Variants in MAST4 observed in about 807,000 individuals in gnomAD.
The protein encoded by MAST4 is microtubule associated serine/threonine kinase family member 4.
Under a neutral mutation model 162.7 loss-of-function variants are expected in MAST4, and 89 were observed. That is an observed-to-expected ratio of 0.55 (90% CI 0.46 to 0.65). The LOEUF is 0.65. Ranked by LOEUF, MAST4 falls within the 30% of genes least tolerant of loss-of-function variation. The probability of loss-of-function intolerance (pLI) is 0.00; values close to 1 mark genes in which losing one functional copy is unlikely to be tolerated. For missense variants in MAST4, 3,153 were observed against 3,374.0 expected (o/e 0.93, Z 1.62); for synonymous variants, 1,479 against 1,361.1 (o/e 1.09, Z -1.91).
chr5:67,142,098 T>C lies in MAST4; in HGVS notation c.2495-17T>C. ...AGTTTAACACTTTCCTCTCTGTCTC[T>C]ACCTGCCCCCTTCCAGGTGGTGCAT... On this transcript the variant is annotated splice_polypyrimidine_tract_variant and intron_variant, in intron 19 of 28. Transcript: ENST00000403625. The C allele has an allele frequency of 6.2e-7, 1 of 1,612,844 alleles. No individual in the cohort carries two copies. Among genetic ancestry groups the C allele is most frequent in the Non-Finnish European group, 8.5e-7 (1 of 1,178,978 alleles).
intron 4 of MAST4, among the ~76,000 whole-genome samples, chr5:66,969,661 C>T (rs1220163841): frequency 1.3e-5 from 2 of 152,154 alleles, no homozygotes; most frequent in African/African-American, 4.8e-5. Context: ...ATCCCCCTCA[C>T]TTCACTTGTT....
chr5:67,124,729 C>T (rs879876192), intron 14 of MAST4, among the ~76,000 whole-genome samples: 7 of 151,966 alleles, frequency 4.6e-5, no homozygotes, highest in Non-Finnish European at 1.0e-4. Flanking sequence ...GTCGGTTTTC[C>T]CAAGGATTAA....
At chr5:67,143,574 G>A (rs1203345536) in intron 21 of MAST4, among the ~76,000 whole-genome samples, 2 of 152,106 alleles carry the variant, frequency 1.3e-5, no homozygotes, top group Non-Finnish European at 2.9e-5. Flanking sequence ...TTATTGTTTA[G>A]CTTTTCTATA....
intron 3 of MAST4, among the ~76,000 whole-genome samples, chr5:66,850,418 T>G (rs564376505): frequency 9.2e-5 from 14 of 152,362 alleles, no homozygotes; most frequent in African/African-American, 3.1e-4. Context: ...AGCCGATGCT[T>G]GAGTTCTTCT....
At chr5:67,095,751 G>A in intron 7 of MAST4, 76 bp downstream of exon 7, 1 of 1,079,568 alleles carries the variant, frequency 9.3e-7, no homozygotes, top group Admixed American at 2.8e-5. Flanking sequence ...GTTTTCTCTG[G>A]GTGTTTCCTG....
intron 1 of MAST4, among the ~76,000 whole-genome samples, chr5:66,599,918 G>GGTGT (rs58314259): frequency 0.28 from 41,616 of 149,968 alleles, 6,271 homozygotes; most frequent in East Asian, 0.57. Context: ...TTTCTAAAGG[G>GGTGT]GTGTGTGTGT....
chr5:66,932,937 G>T (rs931171260), intron 4 of MAST4, among the ~76,000 whole-genome samples: 1 of 151,986 alleles, frequency 6.6e-6, no homozygotes, highest in South Asian at 2.1e-4. Context: ...TTATTTAGTG[G>T]TTCTTTGGCA....
At chr5:66,864,213 G>A (rs1760324725) in intron 3 of MAST4, among the ~76,000 whole-genome samples, 1 of 147,202 alleles carries the variant, frequency 6.8e-6, no homozygotes, top group Non-Finnish European at 1.5e-5. Flanking sequence ...TAAAGATGGG[G>A]AAAAGGAGTG....
At chr5:66,945,088 T>C (rs777565780) in intron 4 of MAST4, among the ~76,000 whole-genome samples, 11 of 152,132 alleles carry the variant, frequency 7.2e-5, no homozygotes, top group Non-Finnish European at 1.3e-4. Context: ...TTAAAACTTT[T>C]ATATGGGGAA....
At chr5:66,628,409 A>AG (rs2149417951) in intron 1 of MAST4, among the ~76,000 whole-genome samples, 1 of 149,624 alleles carries the variant, frequency 6.7e-6, no homozygotes, top group South Asian at 2.1e-4. Context: ...TCAAAGATGT[A>AG]GGGGGAAAAT....
Position 66,759,697 on chromosome 5 carries a change from C to T in MAST4, c.364-12C>T, listed in dbSNP as rs758362881. 5 of 1,613,196 alleles carry T rather than the reference C, an allele frequency of 3.1e-6. No homozygotes were observed. The highest frequency in any genetic ancestry group is 2.2e-5 in the East Asian group (1 of 44,892). On this transcript the variant is annotated splice_polypyrimidine_tract_variant and intron_variant, in intron 1 of 28. Transcript: ENST00000403625. ...GCCCTAGCCAGTGATGCCATTCTTC[C>T]TCTTTCTGCAGCTTGACCACATATT...
At chr5:66,612,442 C>T (rs1432875554) in intron 1 of MAST4, among the ~76,000 whole-genome samples, 2 of 152,188 alleles carry the variant, frequency 1.3e-5, no homozygotes, top group Non-Finnish European at 2.9e-5. Context: ...GGGGCTAGAG[C>T]TGGTGTGAAA....
At chr5:66,937,815 T>A (rs1321655825) in intron 4 of MAST4, among the ~76,000 whole-genome samples, 1 of 139,584 alleles carries the variant, frequency 7.2e-6, no homozygotes, top group Non-Finnish European at 1.7e-5. Context: ...TCCAGAAACA[T>A]TTTTTATATT....
chr5:66,918,627 C>A (rs1764269414), intron 4 of MAST4, among the ~76,000 whole-genome samples: 1 of 151,578 alleles, frequency 6.6e-6, no homozygotes, highest in African/African-American at 2.4e-5. Flanking sequence ...GAGCTAAATA[C>A]TAAAACTGGG....
intron 1 of MAST4, among the ~76,000 whole-genome samples, chr5:66,737,039 A>G (rs1752196759): frequency 1.3e-5 from 2 of 152,252 alleles, no homozygotes; most frequent in Non-Finnish European, 1.5e-5. Context: ...CACTTGATAT[A>G]GCAGTTACCT....
intron 3 of MAST4, among the ~76,000 whole-genome samples, chr5:66,791,627 C>G (rs1755413323): frequency 6.6e-6 from 1 of 152,142 alleles, no homozygotes; most frequent in South Asian, 2.1e-4. Context: ...ATAATAGTAC[C>G]TGGCATATAA....
Position 67,169,563 on chromosome 5 carries a change from A to G in MAST4, c.*2512A>G, listed in dbSNP as rs1283313329. The G allele has an allele frequency of 6.6e-6, 1 of 152,260 alleles. No individual in the cohort carries two copies. Among genetic ancestry groups the G allele is most frequent in the African/African-American group, 2.4e-5 (1 of 41,464 alleles). 9.4% of individuals were successfully genotyped at this position (152,260 alleles called of 1,614,324 possible). On this transcript the variant is annotated 3_prime_UTR_variant, in exon 29 of 29. Transcript: ENST00000403625. ...AAAATATTTATACTTATGCAGTTGC[A>G]TAACATTGAAATAAAAATTTAGCAT...
At chr5:67,152,046 G>A (rs1030703889) in intron 24 of MAST4, among the ~76,000 whole-genome samples, 2 of 152,100 alleles carry the variant, frequency 1.3e-5, no homozygotes, top group Non-Finnish European at 2.9e-5. Flanking sequence ...TGGGATTACA[G>A]GTGTGAGCCA....
At chr5:66,612,921 G>A (rs1743387247) in intron 1 of MAST4, among the ~76,000 whole-genome samples, 1 of 152,012 alleles carries the variant, frequency 6.6e-6, no homozygotes, top group Non-Finnish European at 1.5e-5. Flanking sequence ...ATATTTTATA[G>A]GTAATTTTGT....
Sources: allele counts gnomAD v4.1 joint callset (sites outside exome capture counted in the v4.1 genomes callset), GRCh38; gene constraint gnomAD v4.1.1; transcripts MANE v1.5; gene names NCBI Gene and HGNC (gene_info 2026-07-23, HGNC 2026-07-21).